Variants in TMEM108 observed in about 807,000 individuals in gnomAD.
TMEM108 encodes the protein cancer/testis antigen 124.
In TMEM108, 12 loss-of-function variants were observed where a neutral mutation model predicts 35.1. The ratio of observed to expected loss-of-function variants is 0.34; its 90% CI spans 0.22 to 0.55. The LOEUF is 0.55. Among genes scored for constraint, TMEM108 ranks in the 20% least tolerant of loss-of-function variants. The pLI is 0.89. For synonymous variants in TMEM108, 287 were observed against 308.6 expected (o/e 0.93, Z 0.73); for missense variants, 680 against 753.3 (o/e 0.90, Z 1.14).
At chr3:133,283,927 A>G (rs1342540663) in intron 3 of TMEM108, among the ~76,000 whole-genome samples, 1 of 152,222 alleles carries the variant, frequency 6.6e-6, no homozygotes, top group Non-Finnish European at 1.5e-5. Context: ...ACTTGTGCAG[A>G]ATGTTTCCAG....
chr3:133,237,210 A>T (rs1946251377), intron 3 of TMEM108, among the ~76,000 whole-genome samples: 1 of 151,850 alleles, frequency 6.6e-6, no homozygotes, highest in Admixed American at 6.6e-5. Flanking sequence ...TGCTGTATGT[A>T]CACCTTTGTA....
intron 2 of TMEM108, among the ~76,000 whole-genome samples, chr3:133,209,427 A>G (rs1345141652): frequency 2.0e-5 from 3 of 152,138 alleles, no homozygotes; most frequent in Admixed American, 2.0e-4. Context: ...AAAGCTGTCT[A>G]TAGAGTGGTT....
At position 133,346,915 on chromosome 3, in the gene TMEM108, T is replaced by C. The variant is rs1224480128; in HGVS notation, c.41-32837T>C. Among the ~76,000 whole-genome samples the C allele has an allele frequency of 6.6e-6, 1 of 152,112 alleles. No individual in the cohort carries two copies. Among genetic ancestry groups the C allele is most frequent in the Non-Finnish European group, 1.5e-5 (1 of 67,978 alleles). On this transcript the variant is annotated intron_variant, in intron 3 of 5. Transcript: ENST00000321871. This position sits in a 1 kb window ranked among gnomAD's most constrained non-coding sequence, Gnocchi z 4.0. ...AACAAACAGTCCTTTCTCCATTGAA[T>C]TGCCTTAGCTCCTTTGTCAAAGATC...
intron 2 of TMEM108, among the ~76,000 whole-genome samples, chr3:133,103,341 C>A (rs1325043926): frequency 6.6e-6 from 1 of 152,068 alleles, no homozygotes; most frequent in Non-Finnish European, 1.5e-5. Flanking sequence ...GAACAGAAAA[C>A]CAAATACCGC....
chr3:133,300,073 A>T (rs1472539385), intron 3 of TMEM108, among the ~76,000 whole-genome samples: 1 of 152,136 alleles, frequency 6.6e-6, no homozygotes, highest in African/African-American at 2.4e-5. Flanking sequence ...AGACTACTTC[A>T]TTGGTCCACA....
chr3:133,173,886 C>T (rs969851299), intron 2 of TMEM108, among the ~76,000 whole-genome samples: 2 of 152,210 alleles, frequency 1.3e-5, no homozygotes, highest in Admixed American at 1.3e-4. Context: ...GAGGCATCAC[C>T]TCATCTGGGA....
chr3:133,236,151 T>C (rs545599101), intron 3 of TMEM108, among the ~76,000 whole-genome samples: 1 of 152,256 alleles, frequency 6.6e-6, no homozygotes, highest in African/African-American at 2.4e-5. Context: ...AACTTCAGTG[T>C]TTGCTATACA....
At chr3:133,149,741 T>C (rs1014208633) in intron 2 of TMEM108, among the ~76,000 whole-genome samples, 1 of 152,174 alleles carries the variant, frequency 6.6e-6, no homozygotes, top group Non-Finnish European at 1.5e-5. Context: ...CATAAGGGAA[T>C]ATATATATGT....
intron 3 of TMEM108, among the ~76,000 whole-genome samples, chr3:133,314,341 A>G (rs772506677): frequency 6.6e-5 from 10 of 152,220 alleles, no homozygotes; most frequent in Non-Finnish European, 1.3e-4. Flanking sequence ...CTTTGTTATT[A>G]AATCATGTAG....
intron 3 of TMEM108, among the ~76,000 whole-genome samples, chr3:133,300,595 G>A (rs556782911): frequency 2.0e-5 from 3 of 152,256 alleles, no homozygotes; most frequent in African/African-American, 4.8e-5. Context: ...TAATGAGGAC[G>A]CAGAGAGCCT....
At chr3:133,071,016 T>G (rs1943669567) in intron 2 of TMEM108, among the ~76,000 whole-genome samples, 1 of 152,180 alleles carries the variant, frequency 6.6e-6, no homozygotes, top group South Asian at 2.1e-4. Flanking sequence ...AATTTTTGTT[T>G]GTCCCCTCTC....
chr3:133,108,336 T>C (rs1454353618), intron 2 of TMEM108, among the ~76,000 whole-genome samples: 2 of 152,196 alleles, frequency 1.3e-5, no homozygotes, highest in Non-Finnish European at 2.9e-5. Flanking sequence ...TGGTATCTCA[T>C]TGTGGTTTTG....
intron 2 of TMEM108, among the ~76,000 whole-genome samples, chr3:133,175,518 C>T (rs1260933305): frequency 6.6e-6 from 1 of 152,132 alleles, no homozygotes; most frequent in Non-Finnish European, 1.5e-5. Context: ...GGCCAATATT[C>T]AACATTCTTA....
At chr3:133,269,111 A>G (rs553535922) in intron 3 of TMEM108, among the ~76,000 whole-genome samples, 9 of 152,278 alleles carry the variant, frequency 5.9e-5, no homozygotes, top group East Asian at 1.9e-4. Context: ...CCATGTGTCA[A>G]TCTTTGTTTT....
chr3:133,039,501 C>A (rs558613752), intron 1 of TMEM108, among the ~76,000 whole-genome samples: 2 of 152,236 alleles, frequency 1.3e-5, no homozygotes, highest in South Asian at 4.2e-4. Context: ...TTAAATCATA[C>A]TTTAAAAAGG....
chr3:133,260,384 G>C (rs1026246191), intron 3 of TMEM108, among the ~76,000 whole-genome samples: 36 of 152,160 alleles, frequency 2.4e-4, no homozygotes, highest in African/African-American at 8.4e-4. Flanking sequence ...AGCTAGTTTG[G>C]GTGGTCAAGA....
intron 2 of TMEM108, among the ~76,000 whole-genome samples, chr3:133,064,227 G>C (rs1943569368): frequency 6.6e-6 from 1 of 151,976 alleles, no homozygotes; most frequent in African/African-American, 2.4e-5. Context: ...TCTATCTTCT[G>C]GTCACTCCAG....
chr3:133,213,063 T>A (rs1945857436), intron 2 of TMEM108, among the ~76,000 whole-genome samples: 2 of 152,198 alleles, frequency 1.3e-5, no homozygotes, highest in Admixed American at 1.3e-4. Context: ...TGACTTATGC[T>A]ATAAAAAAGC....
chr3:133,368,105 A>T (rs2072552033), intron 3 of TMEM108, among the ~76,000 whole-genome samples: 2 of 152,238 alleles, frequency 1.3e-5, no homozygotes, highest in African/African-American at 4.8e-5. Flanking sequence ...AGGTCCTGTT[A>T]TGCTCTCTGA....
Sources: gnomAD v4.1 joint callset for allele counts (sites outside exome capture counted in the v4.1 genomes callset) on GRCh38, gnomAD v4.1.1 for gene constraint, Gnocchi (gnomAD v3.1) non-coding constraint, MANE v1.5 for transcripts, NCBI Gene and HGNC (gene_info 2026-07-23, HGNC 2026-07-21) for gene names.